The following C10orf88 variants were observed in gnomAD, a reference collection of about 807,000 sequenced individuals.
C10orf88 encodes the protein ATPase PAAT.
In C10orf88, 29 loss-of-function variants were observed where a neutral mutation model predicts 34.2. The ratio of observed to expected loss-of-function variants is 0.85; its 90% CI spans 0.63 to 1.16. The LOEUF (loss-of-function observed/expected upper bound fraction) is 1.16, where lower values mean the gene tolerates loss of function less well. Among genes scored for constraint, C10orf88 ranks in the 50% most tolerant of loss-of-function variants. C10orf88 has a pLI of 0.00. For synonymous variants in C10orf88, 194 were observed against 197.4 expected, an observed-to-expected ratio of 0.98 and a Z score of 0.15; for missense variants, 507 against 533.2, an observed-to-expected ratio of 0.95 and a Z score of 0.48.
intron 3 of C10orf88, among the ~76,000 whole-genome samples, chr10:122,950,098 A>G (rs1477041985): frequency 6.6e-6 from 1 of 152,226 alleles, no homozygotes; most frequent in Non-Finnish European, 1.5e-5. Flanking sequence ...ATGGAAAGGG[A>G]ACGGACTTTA....
At chr10:122,947,790 G>A (rs563767968) in intron 4 of C10orf88, among the ~76,000 whole-genome samples, 1 of 152,204 alleles carries the variant, frequency 6.6e-6, no homozygotes, top group South Asian at 2.1e-4. Context: ...CATCTTCAAA[G>A]CCTCAATTTC....
intron 1 of C10orf88, among the ~76,000 whole-genome samples, chr10:122,953,799 C>A (rs559992978): frequency 6.6e-6 from 1 of 152,192 alleles, no homozygotes; most frequent in East Asian, 1.9e-4. Flanking sequence ...GGTCACCTTC[C>A]CCCTCTCACG....
chr10:122,937,476 A>C (rs2133329120), intron 5 of C10orf88, among the ~76,000 whole-genome samples: 1 of 152,160 alleles, frequency 6.6e-6, no homozygotes, highest in South Asian at 2.1e-4. Context: ...CCCTTCCACA[A>C]AATGCCTGGG....
At chr10:122,940,857 C>T (rs4523634) in intron 4 of C10orf88, among the ~76,000 whole-genome samples, 1 of 151,926 alleles carries the variant, frequency 6.6e-6, no homozygotes, top group Admixed American at 6.6e-5. Flanking sequence ...AAAAATGTTC[C>T]TGAGCAACAT....
chr10:122,945,124 T>C (rs913367644), intron 4 of C10orf88, among the ~76,000 whole-genome samples: 7 of 151,762 alleles, frequency 4.6e-5, no homozygotes, highest in Non-Finnish European at 8.8e-5. Flanking sequence ...ATGTGTCACA[T>C]TACAATGTTT....
chr10:122,945,040 GTATATA>G (rs1375209113), intron 4 of C10orf88, among the ~76,000 whole-genome samples: 2 of 149,938 alleles, frequency 1.3e-5, no homozygotes, highest in African/African-American at 4.9e-5. Flanking sequence ...GTATATATGT[GTATATA>G]TATATGTATA....
intron 4 of C10orf88, among the ~76,000 whole-genome samples, chr10:122,940,725 G>A (rs552196177): frequency 1.4e-4 from 22 of 152,088 alleles, no homozygotes; most frequent in Admixed American, 1.4e-3. Context: ...TTCTCTTTAT[G>A]TGAGCCTCCA....
chr10:122,950,857 C>G (rs1243030334), intron 3 of C10orf88, among the ~76,000 whole-genome samples: 1 of 152,162 alleles, frequency 6.6e-6, no homozygotes, highest in East Asian at 1.9e-4. Context: ...AAAACAACAT[C>G]TTGGGATAAT....
At chr10:122,943,124 T>C (rs1481552271) in intron 4 of C10orf88, among the ~76,000 whole-genome samples, 11 of 150,902 alleles carry the variant, frequency 7.3e-5, no homozygotes, top group Non-Finnish European at 1.0e-4. Context: ...CTTCAAACTA[T>C]ACTACAAGGC....
intron 5 of C10orf88, among the ~76,000 whole-genome samples, chr10:122,934,287 C>A (rs1848513363): frequency 6.6e-6 from 1 of 152,048 alleles, no homozygotes; most frequent in African/African-American, 2.4e-5. Flanking sequence ...AAGGCAGAAC[C>A]ATTCTTTAAC....
At chr10:122,944,075 C>A (rs1197982336) in intron 4 of C10orf88, among the ~76,000 whole-genome samples, 1 of 151,896 alleles carries the variant, frequency 6.6e-6, no homozygotes, top group Admixed American at 6.6e-5. Flanking sequence ...CACATGCACA[C>A]ATATATTTAT....
intron 2 of C10orf88, 145 bp from the exon 3 acceptor site, chr10:122,952,171 C>G (rs1282211473): frequency 1.8e-6 from 1 of 555,736 alleles, no homozygotes; most frequent in African/African-American, 1.9e-5. Flanking sequence ...GGCTCCATAA[C>G]TGAAGCACAC....
At chr10:122,950,238 C>T (rs1163100829) in intron 3 of C10orf88, among the ~76,000 whole-genome samples, 2 of 152,158 alleles carry the variant, frequency 1.3e-5, no homozygotes, top group Admixed American at 6.5e-5. Context: ...ATAGTTGTTG[C>T]GAGGATTATA....
At chr10:122,944,626 T>C (rs1249622099) in intron 4 of C10orf88, among the ~76,000 whole-genome samples, 1 of 152,218 alleles carries the variant, frequency 6.6e-6, no homozygotes, top group East Asian at 1.9e-4. Context: ...CCCTCTGGGA[T>C]TGAGTAGATA....
Position 122,932,600 on chromosome 10 carries a change from T to A in C10orf88, c.1165A>T (p.Met389Leu). 1 of 1,613,782 alleles carries A rather than the reference T, an allele frequency of 6.2e-7. No homozygotes were observed. Among genetic ancestry groups the A allele is most frequent in the Non-Finnish European group, 8.5e-7 (1 of 1,179,878 alleles). ...EKILSKNMEL[M>L]EKKLMDYIDQ... ...ATGTAATCCATAAGTTTCTTTTCCA[T>A]CAGTTCCATATTTTTAGAAAGAATC... Residue 389 changes from methionine to leucine, a missense_variant, in exon 6 of 6, where the codon ATG (methionine) becomes TTG (leucine). Transcript: ENST00000481909.
chr10:122,945,674 G>T (rs1413888845), intron 4 of C10orf88, among the ~76,000 whole-genome samples: 1 of 151,962 alleles, frequency 6.6e-6, no homozygotes, highest in Admixed American at 6.6e-5. Context: ...TACAAAAAAA[G>T]CTTAATAGAA....
chr10:122,934,174 C>T (rs1245935815), intron 5 of C10orf88, among the ~76,000 whole-genome samples: 1 of 152,138 alleles, frequency 6.6e-6, no homozygotes, highest in Non-Finnish European at 1.5e-5. Context: ...TACCTATAAT[C>T]CAATATCAAA....
At chr10:122,933,942 G>A (rs532668925) in intron 5 of C10orf88, among the ~76,000 whole-genome samples, 3 of 152,010 alleles carry the variant, frequency 2.0e-5, no homozygotes, top group South Asian at 4.1e-4. Flanking sequence ...TGGGTTTATT[G>A]TTATTTTTAA....
intron 3 of C10orf88, among the ~76,000 whole-genome samples, chr10:122,949,926 A>G (rs1848675382): frequency 6.6e-6 from 1 of 152,236 alleles, no homozygotes; most frequent in Non-Finnish European, 1.5e-5. Context: ...GATGACTTCA[A>G]GGGTGATTTT....
Sources: allele counts gnomAD v4.1 joint callset (sites outside exome capture counted in the v4.1 genomes callset), GRCh38; gene constraint gnomAD v4.1.1; transcripts MANE v1.5; gene names NCBI Gene and HGNC (gene_info 2026-07-23, HGNC 2026-07-21).